TMEM87A: variants seen among roughly 807,000 people sequenced by gnomAD.
TMEM87A encodes the protein transmembrane protein 87A, also known as Golgi-pH regulating cation channel.
In TMEM87A, 50 loss-of-function variants were observed where a neutral mutation model predicts 90.0. The ratio of observed to expected loss-of-function variants is 0.56; its 90% CI spans 0.44 to 0.70. The LOEUF is 0.70. Ranked by LOEUF, TMEM87A falls within the 30% of genes least tolerant of loss-of-function variation. The pLI is 0.00. For synonymous variants in TMEM87A, 226 were observed against 226.7 expected, an observed-to-expected ratio of 1.00 and a Z score of 0.03; for missense variants, 577 against 660.5, an observed-to-expected ratio of 0.87 and a Z score of 1.39.
chr15:42,242,372 G>T (rs922004833), intron 7 of TMEM87A, among the ~76,000 whole-genome samples: 3 of 152,178 alleles, frequency 2.0e-5, no homozygotes, highest in African/African-American at 7.2e-5. Context: ...TGAAGAAGCT[G>T]AAGTAGGGTG....
intron 15 of TMEM87A, among the ~76,000 whole-genome samples, chr15:42,223,069 A>C (rs2050524381): frequency 6.6e-6 from 1 of 152,214 alleles, no homozygotes; most frequent in Non-Finnish European, 1.5e-5. Flanking sequence ...AGAACAAACA[A>C]AATATTGGCA....
intron 6 of TMEM87A, among the ~76,000 whole-genome samples, chr15:42,255,207 C>T (rs8024141): frequency 2.7e-4 from 41 of 152,080 alleles, no homozygotes; most frequent in East Asian, 9.7e-4. Flanking sequence ...GATCTTGGCT[C>T]GCCGCTACCT....
rs148163934 is a variant in TMEM87A, at chr15:42,243,019, C to A, written c.622+1031G>T. ...CGGCGGCTCACCCCTGTAATCCCAG[C>A]ACTTTGGGAGGCCAAGGCAGGCGGA... On this transcript the variant is annotated intron_variant, in intron 7 of 19. Coordinates refer to ENST00000389834, the MANE Select transcript of TMEM87A (RefSeq NM_015497.5). 2.6e-4 allele frequency among the ~76,000 whole-genome samples: 40 copies of A among 152,216 alleles called. No homozygotes were observed. The East Asian group carries it at 7.5e-3, about 29-fold the overall frequency.
At chr15:42,236,513 A>G (rs953084216) in intron 9 of TMEM87A, 94 bp from the exon 10 acceptor site, 63 of 987,010 alleles carry the variant, frequency 6.4e-5, no homozygotes, top group Non-Finnish European at 9.9e-5. Context: ...ACTCTTCAGA[A>G]TAAGCATTGA....
chr15:42,224,461 T>G (rs769114702), intron 15 of TMEM87A: 1 of 152,222 alleles, frequency 6.6e-6, no homozygotes, highest in African/African-American at 2.4e-5. Context: ...ACTGACTTGA[T>G]GTACTTCCTC....
intron 6 of TMEM87A, among the ~76,000 whole-genome samples, chr15:42,244,482 T>C (rs2050934791): frequency 6.6e-6 from 1 of 151,948 alleles, no homozygotes; most frequent in Non-Finnish European, 1.5e-5. Context: ...AGGATACTAG[T>C]TTGTGTTTTA....
chr15:42,241,013 T>C (rs941089467), intron 7 of TMEM87A, among the ~76,000 whole-genome samples: 5 of 152,336 alleles, frequency 3.3e-5, no homozygotes, highest in East Asian at 1.9e-4. Context: ...TAAAGTTTTA[T>C]TGGAACACAG....
chr15:42,267,174 G>A (rs976621884), intron 3 of TMEM87A, among the ~76,000 whole-genome samples: 1 of 152,160 alleles, frequency 6.6e-6, no homozygotes, highest in African/African-American at 2.4e-5. Flanking sequence ...AGCTAAGTGT[G>A]AAATGAGTTA....
chr15:42,213,047 T>C (rs1029439455), intron 19 of TMEM87A, among the ~76,000 whole-genome samples: 3 of 152,170 alleles, frequency 2.0e-5, no homozygotes, highest in African/African-American at 7.2e-5. Flanking sequence ...TAGGAAAGCA[T>C]GAAACCAGCT....
chr15:42,271,988 A>G, intron 2 of TMEM87A, 75 bp downstream of exon 2: 1 of 1,211,710 alleles, frequency 8.3e-7, no homozygotes, highest in Non-Finnish European at 1.2e-6. Context: ...CAGAACTTAT[A>G]AAATAGGTAA....
At chr15:42,240,915 A>T (rs2050855512) in intron 7 of TMEM87A, among the ~76,000 whole-genome samples, 1 of 152,246 alleles carries the variant, frequency 6.6e-6, no homozygotes, top group Non-Finnish European at 1.5e-5. Flanking sequence ...ATTAGTAAAT[A>T]CTTGGATCAT....
intron 6 of TMEM87A, among the ~76,000 whole-genome samples, chr15:42,244,659 T>C (rs1229562819): frequency 6.7e-6 from 1 of 150,148 alleles, no homozygotes; most frequent in East Asian, 2.1e-4. Flanking sequence ...CTCACATTTA[T>C]ATCAAAAATT....
chr15:42,218,206 T>C, intron 18 of TMEM87A, 117 bp downstream of exon 18: 2 of 1,021,590 alleles, frequency 2.0e-6, no homozygotes, highest in Non-Finnish European at 2.9e-6. Context: ...ATTCCTATTC[T>C]TTTAATTATT....
intron 4 of TMEM87A, among the ~76,000 whole-genome samples, chr15:42,263,283 G>A (rs2051332657): frequency 6.6e-6 from 1 of 152,138 alleles, no homozygotes; most frequent in African/African-American, 2.4e-5. Flanking sequence ...TATGCTAAGT[G>A]GAAGAAGTCA....
intron 6 of TMEM87A, among the ~76,000 whole-genome samples, chr15:42,251,286 C>T (rs538182476): frequency 1.3e-5 from 2 of 152,120 alleles, no homozygotes; most frequent in Admixed American, 6.5e-5. Context: ...TTCCGTTGCT[C>T]GCGGGGAGCT....
At chr15:42,264,701 T>A (rs200920829) in intron 3 of TMEM87A, among the ~76,000 whole-genome samples, 983 of 12,486 alleles carry the variant, frequency 0.079, 25 homozygotes, top group East Asian at 0.35. Context: ...ATATATATAT[T>A]TTTTTTTTAA....
chr15:42,258,214 T>C, intron 6 of TMEM87A: 1 of 946,042 alleles, frequency 1.1e-6, no homozygotes, highest in South Asian at 4.9e-5. Context: ...ATGTCCATGT[T>C]ATATTGCTAA....
At chr15:42,214,427 T>C (rs2050347414) in intron 19 of TMEM87A, among the ~76,000 whole-genome samples, 1 of 152,102 alleles carries the variant, frequency 6.6e-6, no homozygotes, top group African/African-American at 2.4e-5. Flanking sequence ...CGCAAAAATC[T>C]TCAATGAAAC....
At chr15:42,239,757 AATTT>A in intron 7 of TMEM87A, 26 bp from the exon 8 acceptor site, 4 of 1,597,554 alleles carry the variant, frequency 2.5e-6, no homozygotes, top group Non-Finnish European at 3.4e-6. Context: ...CCTCAGAATT[AATTT>A]ACAGGATGCA....
Sources: gnomAD v4.1 joint callset for allele counts (sites outside exome capture counted in the v4.1 genomes callset) on GRCh38, gnomAD v4.1.1 for gene constraint, MANE v1.5 for transcripts, NCBI Gene and HGNC (gene_info 2026-07-23, HGNC 2026-07-21) for gene names.